The following TNS4 variants were observed in gnomAD, a reference collection of about 807,000 sequenced individuals.
TNS4 encodes the protein tensin 4.
Under a neutral mutation model 70.4 loss-of-function variants are expected in TNS4, and 46 were observed. That is an observed-to-expected ratio of 0.65 (90% CI 0.52 to 0.84). The LOEUF is 0.84. TNS4 is among the 40% of genes least tolerant of loss of function. TNS4 has a pLI of 0.00. For synonymous variants in TNS4, 390 were observed against 366.6 expected (o/e 1.06, Z -0.73); for missense variants, 863 against 907.0 (o/e 0.95, Z 0.62).
At chr17:40,477,916 G>A (rs2035869991) in intron 12 of TNS4, 187 bp from the exon 13 acceptor site, 2 of 619,658 alleles carry the variant, frequency 3.2e-6, no homozygotes, top group African/African-American at 1.8e-5. Flanking sequence ...GTCAGACTGG[G>A]AGATTTCTGA....
chr17:40,489,672 G>A (rs557821620), intron 2 of TNS4, among the ~76,000 whole-genome samples: 1 of 151,880 alleles, frequency 6.6e-6, no homozygotes, highest in Non-Finnish European at 1.5e-5. Flanking sequence ...CCGGGCACCT[G>A]TAATCCCAGC....
At chr17:40,482,891 CTCT>C (rs996451685) in intron 6 of TNS4, among the ~76,000 whole-genome samples, 42 of 152,146 alleles carry the variant, frequency 2.8e-4, no homozygotes, top group Admixed American at 1.9e-3. Flanking sequence ...GGAAACCTTT[CTCT>C]TCTTCTTTTT....
chr17:40,478,526 G>A, intron 11 of TNS4, 54 bp downstream of exon 11: 1 of 1,605,148 alleles, frequency 6.2e-7, no homozygotes. Flanking sequence ...GGACGCCTTG[G>A]TGGGCAGCGG....
Position 40,477,664 on chromosome 17 carries a change from T to G in TNS4, c.2072A>C (p.Glu691Ala). 1 of 1,613,936 alleles carries G rather than the reference T, an allele frequency of 6.2e-7. No individual in the cohort carries two copies. Reference sequence around the variant, plus strand: ...CGAGGCTGGCTGGACCATGTCATACTCCGCAAAGAGGTGGCATACGTTCTC... The same window carrying G: ...CGAGGCTGGCTGGACCATGTCATACGCCGCAAAGAGGTGGCATACGTTCTC... ...PQENVCHLFA[E>A]YDMVQPASQV... Residue 691 changes from glutamate (E) to alanine (A), a missense_variant, in exon 13 of 13, where the codon GAG (glutamate) becomes GCG (alanine). Transcript: ENST00000254051.
intron 4 of TNS4, 43 bp downstream of exon 4, chr17:40,486,993 T>TC (rs757598904): frequency 1.3e-6 from 2 of 1,596,790 alleles, no homozygotes; most frequent in Non-Finnish European, 1.7e-6. Context: ...CTTTGTCTAT[T>TC]CCCCAAATCT....
Position 40,500,044 on chromosome 17 carries a change from A to G in TNS4, c.-96+1490T>C, listed in dbSNP as rs138538226. ...ACACTGAACACCTTGCATTTTCTCA[A>G]CAGCTCTCTGAGGAGGGTGCTATTG... On this transcript the variant is annotated intron_variant, in intron 1 of 12. Coordinates refer to ENST00000254051, the MANE Select transcript of TNS4 (RefSeq NM_032865.6). Among the ~76,000 whole-genome samples, 248 of 152,236 alleles carry G rather than the reference A, an allele frequency of 1.6e-3. 2 individuals carry two copies. The highest frequency in any genetic ancestry group is 5.8e-3 in the African/African-American group (241 of 41,538).
intron 10 of TNS4, 29 bp from the exon 11 acceptor site, chr17:40,478,677 C>T (rs749906): frequency 0.17 from 269,276 of 1,610,430 alleles, 28,169 homozygotes; most frequent in African/African-American, 0.5. Context: ...AGAAGGGAAG[C>T]GATGACAGCC....
chr17:40,496,411 C>A lies in TNS4; in HGVS notation c.15G>T (p.Met5Ile). 6.2e-7 allele frequency: 1 copy of A among 1,612,442 alleles called. No individual in the cohort carries two copies. Among genetic ancestry groups the A allele is most frequent in the South Asian group, 1.1e-5 (1 of 91,004 alleles). The stretch of plus-strand genomic sequence containing the variant: ...GGCCTCCTGCCAGCAGTGGGCTGGA[C>A]ATCACCTGGGACATGGTGGGGGTGG... MSQVMSSPLLAGGHA... is the reference protein window; with the variant it reads MSQVISSPLLAGGHA... The change falls in exon 2 of 13, where the codon ATG becomes ATT. Residue 5 changes from methionine (M) to isoleucine (I), a missense_variant. By Grantham distance (10) the Met-to-Ile change is conservative. Transcript: ENST00000254051.
intron 1 of TNS4, among the ~76,000 whole-genome samples, chr17:40,501,059 G>A (rs2036208750): frequency 6.6e-6 from 1 of 152,190 alleles, no homozygotes; most frequent in African/African-American, 2.4e-5. Context: ...GCTGAACTCC[G>A]CGGTCTGTGA....
rs559145030 is a variant in TNS4, at chr17:40,498,669, C to T, written c.-95-2149G>A. ...CCTCCTGGGGCTCAAGCGATTCTCCCAGCTCACCCTCCCGAGTAGCTGGGA... is the reference window on the plus strand; with the variant it reads ...CCTCCTGGGGCTCAAGCGATTCTCCTAGCTCACCCTCCCGAGTAGCTGGGA... On this transcript the variant is annotated intron_variant, in intron 1 of 12. Coordinates refer to ENST00000254051, the MANE Select transcript of TNS4 (RefSeq NM_032865.6). Among the ~76,000 whole-genome samples, 91 of 152,210 alleles carry T rather than the reference C, an allele frequency of 6.0e-4. 1 individual carries two copies. Among genetic ancestry groups the T allele is most frequent in the African/African-American group, 2.2e-3 (90 of 41,512 alleles).
intron 1 of TNS4, among the ~76,000 whole-genome samples, chr17:40,498,743 C>T (rs1300568946): frequency 6.6e-6 from 1 of 152,090 alleles, no homozygotes; most frequent in Non-Finnish European, 1.5e-5. Flanking sequence ...GAAAGAGGGT[C>T]TCACTTTGTT....
chr17:40,486,955 G>C, intron 4 of TNS4, 81 bp downstream of exon 4: 1 of 1,533,666 alleles, frequency 6.5e-7, no homozygotes, highest in African/African-American at 1.4e-5. Context: ...TAAATGTGTT[G>C]ACTGGCTGTT....
intron 2 of TNS4, among the ~76,000 whole-genome samples, chr17:40,492,535 T>C (rs1363870156): frequency 1.3e-5 from 2 of 151,940 alleles, no homozygotes; most frequent in East Asian, 3.9e-4. Flanking sequence ...ACCCAACTAA[T>C]TTTTGTATTT....
In TNS4 at chr17:40,479,810, C is replaced by A; in HGVS notation, c.1774G>T (p.Val592Leu). The part of the protein sequence containing the change: ...CHTLYLSSVS[V>L]ETLTGALAVQ... ...GCCAGGGCTCCAGTCAGGGTCTCCA[C>A]GCTCACTGAGCTCAGGTACAGGGTG... Residue 592 changes from valine (V) to leucine (L), a missense_variant, in exon 10 of 13, where the codon GTG becomes TTG. Transcript: ENST00000254051. 1 of 1,613,510 alleles carries A rather than the reference C, an allele frequency of 6.2e-7. No homozygotes were observed. The highest frequency in any genetic ancestry group is 8.5e-7 in the Non-Finnish European group (1 of 1,179,862).
At chr17:40,478,546 C>T in intron 11 of TNS4, 34 bp downstream of exon 11, 1 of 1,612,928 alleles carries the variant, frequency 6.2e-7, no homozygotes, top group Non-Finnish European at 8.5e-7. Flanking sequence ...GGGCCCTGGA[C>T]AGCCTTCTTA....
At chr17:40,500,325 C>T (rs369819277) in intron 1 of TNS4, among the ~76,000 whole-genome samples, 5 of 152,214 alleles carry the variant, frequency 3.3e-5, no homozygotes, top group South Asian at 2.1e-4. Context: ...GGCTCTGCGT[C>T]GCCCTTGGAT....
intron 8 of TNS4, 23 bp from the exon 9 acceptor site, chr17:40,480,791 G>GC (rs1288252817): frequency 1.9e-6 from 3 of 1,597,476 alleles, no homozygotes; most frequent in Non-Finnish European, 2.6e-6. Flanking sequence ...AAAGAAACAG[G>GC]CCCCCCAAAG....
rs1182641249 is a variant in TNS4 at position 40,484,886 on chromosome 17, G to A, written c.1375+35C>T. The A allele has an allele frequency of 5.0e-6, 8 of 1,608,382 alleles. No homozygotes were observed. In the South Asian group the frequency reaches 7.7e-5, roughly 15 times the overall value. ...TGCCTGATGCAAAGTGCAAGACCCAGACCCTATTCTGGGGTCACTCGTGCT... is the reference window on the plus strand; with the variant it reads ...TGCCTGATGCAAAGTGCAAGACCCAAACCCTATTCTGGGGTCACTCGTGCT... On this transcript the variant is annotated intron_variant, in intron 5 of 12. Transcript: ENST00000254051.
At position 40,487,194 on chromosome 17, in the gene TNS4, A is replaced by G. The variant is rs2036000613; in HGVS notation, c.1130T>C (p.Ile377Thr). Residue 377 changes from isoleucine to threonine, a missense_variant, in exon 4 of 13, where the codon ATC becomes ACC. Transcript: ENST00000254051. ...NSMVDIPIVL[I>T]NGCPEPGSSP... ...AGACCCTGGTTCTGGGCAGCCGTTGATCAGCACAATGGGTATGTCCACCAT... is the reference window on the plus strand; with the variant it reads ...AGACCCTGGTTCTGGGCAGCCGTTGGTCAGCACAATGGGTATGTCCACCAT... 1 of 1,614,168 alleles carries G rather than the reference A, an allele frequency of 6.2e-7. No individual in the cohort carries two copies. Among genetic ancestry groups the G allele is most frequent in the Admixed American group, 1.7e-5 (1 of 60,018 alleles).
Sources: allele counts gnomAD v4.1 joint callset (sites outside exome capture counted in the v4.1 genomes callset), GRCh38; gene constraint gnomAD v4.1.1; transcripts MANE v1.5; gene names NCBI Gene and HGNC (gene_info 2026-07-23, HGNC 2026-07-21).